PHLDB1: variants seen among roughly 807,000 people sequenced by gnomAD.
PHLDB1 encodes pleckstrin homology-like domain family B member 1.
A neutral mutation model predicts 139.3 loss-of-function variants in PHLDB1; 65 were observed. The observed-to-expected ratio is 0.47, with a 90% CI of 0.38 to 0.57. The LOEUF is 0.57. Ranked by LOEUF, PHLDB1 falls within the 20% of genes least tolerant of loss-of-function variation. The probability of loss-of-function intolerance (pLI) is 0.00; values close to 1 mark genes in which losing one functional copy is unlikely to be tolerated. For missense variants in PHLDB1, 1,624 were observed against 1,839.7 expected, an observed-to-expected ratio of 0.88 and a Z score of 2.14; for synonymous variants, 679 against 734.5, an observed-to-expected ratio of 0.92 and a Z score of 1.22.
intron 17 of PHLDB1, chr11:118,646,209 G>A (rs906477215): frequency 2.0e-5 from 3 of 153,004 alleles, no homozygotes; most frequent in Admixed American, 1.7e-4. Flanking sequence ...GCAGTAAGCC[G>A]AGATCGCACC....
intron 12 of PHLDB1, chr11:118,639,878 C>T (rs1355991126): frequency 6.1e-6 from 6 of 986,712 alleles, no homozygotes; most frequent in Non-Finnish European, 7.2e-6. Context: ...TGCTCATCTC[C>T]GAGTCCTCAG....
chr11:118,656,533 A>G, intron 22 of PHLDB1, 150 bp from the exon 23 acceptor site: 2 of 626,130 alleles, frequency 3.2e-6, no homozygotes, highest in Non-Finnish European at 5.5e-6. Context: ...GCTCACATGG[A>G]CTGGTAGGGT....
intron 3 of PHLDB1, chr11:118,615,194 C>CAAAAAAAAAAAAAAAAAAAAA: frequency 1.5e-5 from 1 of 65,534 alleles, no homozygotes; most frequent in Non-Finnish European, 2.8e-5. Flanking sequence ...GACTCTATCT[C>CAAAAAAAAAAAAAAAAAAAAA]AAAAAAAAAA....
At chr11:118,625,095 G>T in intron 5 of PHLDB1, 36 bp downstream of exon 5, 1 of 1,553,448 alleles carries the variant, frequency 6.4e-7, no homozygotes. Context: ...TGGGTTGATG[G>T]TGTTCCTGCA....
At chr11:118,614,809 C>A in intron 3 of PHLDB1, 127 bp downstream of exon 3, 1 of 904,164 alleles carries the variant, frequency 1.1e-6, no homozygotes, top group South Asian at 1.7e-5. Flanking sequence ...CCCCACACCA[C>A]CAGCTTGCTT....
rs782512323 is a variant in PHLDB1, at chr11:118,644,116, C to T, written c.3063C>T (p.Asn1021=). 3 of 1,613,958 alleles carry T rather than the reference C, an allele frequency of 1.9e-6. No homozygotes were observed. The Admixed American group carries it at 5.0e-5, about 27-fold the overall frequency. The change falls in exon 15 of 23, where the codon AAC becomes AAT. Residue 1021 remains asparagine (N), a synonymous_variant. Transcript: ENST00000600882. ...ATGGCACGGGCAGCCTTCCTCGCAACCTGGCAGCCACACTGCAGGACATCG... is the reference window on the plus strand; with the variant it reads ...ATGGCACGGGCAGCCTTCCTCGCAATCTGGCAGCCACACTGCAGGACATCG... ...TQNGTGSLPR[N]LAATLQDIET...
At chr11:118,655,820 T>G (rs1948972506) in intron 21 of PHLDB1, 40 bp from the exon 22 acceptor site, 5 of 1,595,034 alleles carry the variant, frequency 3.1e-6, no homozygotes, top group African/African-American at 1.3e-5. Flanking sequence ...CTTGTTCTCT[T>G]TGTCAACTTT....
intron 7 of PHLDB1, 93 bp from the exon 8 acceptor site, chr11:118,631,820 C>A: frequency 1.4e-6 from 2 of 1,419,610 alleles, no homozygotes; most frequent in Non-Finnish European, 1.9e-6. Context: ...AGCTATTCCT[C>A]AGCAAGTGCC....
Position 118,627,371 on chromosome 11 carries a change from G to A in PHLDB1, c.548G>A (p.Cys183Tyr), listed in dbSNP as rs782646272. The change falls in exon 6 of 23, where the codon TGT becomes TAT. Residue 183 changes from cysteine (C) to tyrosine (Y), a missense_variant. Coordinates refer to ENST00000600882, the MANE Select transcript of PHLDB1 (RefSeq NM_001144758.3). ...PQTATRGPSA[C>Y]ASHSSLVSSI... ...ACTGCAACACGGGGACCCTCTGCCT[G>A]TGCCAGCCACAGTTCCCTGGTGAGC... The A allele has an allele frequency of 2.5e-6, 4 of 1,614,034 alleles. No individual in the cohort carries two copies. The highest frequency in any genetic ancestry group is 1.7e-5 in the Admixed American group (1 of 60,002).
In PHLDB1 at chr11:118,627,982, C is replaced by G. The variant is rs1472193604; in HGVS notation, c.1159C>G (p.Pro387Ala). Reference sequence around the variant, plus strand: ...TCCTGGCAGCCCCAAGTTTCAGCCTCCAGTCCCTGCTCCCCGAAACAAGAT... The same window carrying G: ...TCCTGGCAGCCCCAAGTTTCAGCCTGCAGTCCCTGCTCCCCGAAACAAGAT... The part of the protein sequence containing the change: ...SIPGSPKFQP[P>A]VPAPRNKIGT... The change falls in exon 6 of 23, where the codon CCA becomes GCA. Residue 387 changes from proline (P) to alanine (A), a missense_variant. Coordinates refer to ENST00000600882, the MANE Select transcript of PHLDB1 (RefSeq NM_001144758.3). 2 of 1,613,864 alleles carry G rather than the reference C, an allele frequency of 1.2e-6. No homozygotes were observed. Among genetic ancestry groups the G allele is most frequent in the Admixed American group, 1.7e-5 (1 of 60,004 alleles).
At position 118,628,208 on chromosome 11, in the gene PHLDB1, C is replaced by T; in HGVS notation, c.1385C>T (p.Pro462Leu). ...DSMRELPPLS[P>L]SLSRRALSPL... ...ATGCGAGAACTACCCCCCTTAAGTC[C>T]ATCTCTGTCCCGGCGAGCTCTCTCC... Residue 462 changes from proline to leucine, a missense_variant, in exon 6 of 23, where the codon CCA (proline) becomes CTA (leucine). Pro to Leu is a moderately conservative substitution (Grantham distance 98). Transcript: ENST00000600882. The T allele has an allele frequency of 6.2e-7, 1 of 1,614,134 alleles. No individual in the cohort carries two copies. The highest frequency in any genetic ancestry group is 8.5e-7 in the Non-Finnish European group (1 of 1,180,006).
chr11:118,656,764 C>A lies in PHLDB1; in HGVS notation c.4075C>A (p.Arg1359Ser), dbSNP rs1555142230. ...GGTGGCCCCATCTGCAGAGGCCATGCGTATCTGGATGGATGTCATTGTCAC... is the reference window on the plus strand; with the variant it reads ...GGTGGCCCCATCTGCAGAGGCCATGAGTATCTGGATGGATGTCATTGTCAC... ...YMVAPSAEAM[R>S]IWMDVIVTGA... Residue 1359 changes from arginine (R) to serine (S), a missense_variant, in exon 23 of 23, where the codon CGT becomes AGT. Transcript: ENST00000600882. 6.2e-7 allele frequency: 1 copy of A among 1,613,720 alleles called. No individual in the cohort carries two copies. The highest frequency in any genetic ancestry group is 8.5e-7 in the Non-Finnish European group (1 of 1,179,610).
In PHLDB1 at chr11:118,620,999, G is replaced by A. The variant is rs1942657292; in HGVS notation, c.356-3935G>A. Among the ~76,000 whole-genome samples, 1 of 152,098 alleles carries A rather than the reference G, an allele frequency of 6.6e-6. No homozygotes were observed. Among genetic ancestry groups the A allele is most frequent in the Non-Finnish European group, 1.5e-5 (1 of 68,016 alleles). On this transcript the variant is annotated intron_variant, in intron 4 of 22. Transcript: ENST00000600882. The surrounding 1 kb of genome is among the most constrained non-coding windows in gnomAD (Gnocchi z 4.1). ...GTAGATAAGGAAGCCGAGGCCAGAG[G>A]GTGTGACTGGCCCAAGGTACTACAG...
intron 20 of PHLDB1, 23 bp from the exon 21 acceptor site, chr11:118,655,582 G>GCCCA: frequency 6.6e-7 from 1 of 1,526,416 alleles, no homozygotes; most frequent in Non-Finnish European, 9.1e-7. Context: ...CGGCTCCATA[G>GCCCA]CCCACCCTTA....
chr11:118,625,533 T>C (rs1565420967), intron 5 of PHLDB1, among the ~76,000 whole-genome samples: 1 of 152,226 alleles, frequency 6.6e-6, no homozygotes, highest in Non-Finnish European at 1.5e-5. Flanking sequence ...TGTGAATTAT[T>C]GATCCCCAGA....
At chr11:118,624,854 C>A (rs1555099272) in intron 4 of PHLDB1, 80 bp from the exon 5 acceptor site, 1 of 1,471,782 alleles carries the variant, frequency 6.8e-7, no homozygotes, top group African/African-American at 1.4e-5. Context: ...AGGTGATCCA[C>A]CCTCCTCCGC....
At chr11:118,643,704 CCAGGGCGGTACGT>C in intron 13 of PHLDB1, 83 bp from the exon 14 acceptor site, 1 of 1,598,592 alleles carries the variant, frequency 6.3e-7, no homozygotes, top group Non-Finnish European at 8.5e-7. Flanking sequence ...AGGCCTAGTG[CCAGGGCGGTACGT>C]CAGATCACAG....
chr11:118,616,198 C>A lies in PHLDB1; in HGVS notation c.342C>A (p.Thr114=). Residue 114 remains threonine (T), a synonymous_variant, in exon 4 of 23, where the codon ACC becomes ACA. Transcript: ENST00000600882. ...ATGGGCTCCCTGTCCGGCAGCCTAC[C>A]CGGCTCACTCAGGGTAAGGCTGGAC... is the stretch of plus-strand genomic sequence containing the variant. ...TIDGLPVRQP[T]RLTQGCMLCL... 6.2e-7 allele frequency: 1 copy of A among 1,613,894 alleles called. No individual in the cohort carries two copies. Among genetic ancestry groups the A allele is most frequent in the Non-Finnish European group, 8.5e-7 (1 of 1,179,938 alleles).
In PHLDB1 at chr11:118,632,746, C is replaced by T; in HGVS notation, c.2379+450C>T. On this transcript the variant is annotated intron_variant, in intron 9 of 22. Coordinates refer to ENST00000600882, the MANE Select transcript of PHLDB1 (RefSeq NM_001144758.3). The surrounding 1 kb of genome is among the most constrained non-coding windows in gnomAD (Gnocchi z 5.9). Reference sequence around the variant, plus strand: ...CCCTCGGGCCTCTGCTTCCCTTGAGCCTTCAGGATCTGCAGCCTCCCATCC... The same window carrying T: ...CCCTCGGGCCTCTGCTTCCCTTGAGTCTTCAGGATCTGCAGCCTCCCATCC... The T allele has an allele frequency of 2.5e-6, 1 of 397,150 alleles. No individual in the cohort carries two copies. The highest frequency in any genetic ancestry group is 3.5e-6 in the Non-Finnish European group (1 of 287,208). 24.6% of individuals were successfully genotyped at this position (397,150 alleles called of 1,614,324 possible).
Sources: gnomAD v4.1 joint callset for allele counts (sites outside exome capture counted in the v4.1 genomes callset) on GRCh38, gnomAD v4.1.1 for gene constraint, Gnocchi (gnomAD v3.1) non-coding constraint, MANE v1.5 for transcripts, NCBI Gene and HGNC (gene_info 2026-07-23, HGNC 2026-07-21) for gene names.